MYCT1: variants seen among roughly 807,000 people sequenced by gnomAD.
MYCT1 encodes the protein myc target protein 1.
In MYCT1, 12 loss-of-function variants were observed where a neutral mutation model predicts 15.0. That is an observed-to-expected ratio of 0.80 (90% CI 0.51 to 1.29). The LOEUF is 1.29. MYCT1 is among the 50% of genes most tolerant of loss of function. MYCT1 has a pLI of 0.00. For synonymous variants in MYCT1, 104 were observed against 102.7 expected, an observed-to-expected ratio of 1.01 and a Z score of -0.07; for missense variants, 287 against 279.1, an observed-to-expected ratio of 1.03 and a Z score of -0.20.
chr6:152,728,178 A>T (rs62426343), downstream of MYCT1, among the ~76,000 whole-genome samples: 1 of 148,778 alleles, frequency 6.7e-6, no homozygotes, highest in African/African-American at 2.4e-5. Context: ...AAAAAAAAAA[A>T]GGAAAAAGCA....
At chr6:152,720,624 C>T (rs1448295745) in intron 1 of MYCT1, among the ~76,000 whole-genome samples, 1 of 152,078 alleles carries the variant, frequency 6.6e-6, no homozygotes, top group Non-Finnish European at 1.5e-5. Context: ...ATGAGTTTTC[C>T]AGACAGAAGC....
chr6:152,714,592 T>C (rs1158390389), intron 1 of MYCT1, among the ~76,000 whole-genome samples: 3 of 151,370 alleles, frequency 2.0e-5, no homozygotes, highest in Admixed American at 6.6e-5. Flanking sequence ...TTTAATTTTC[T>C]TTATAGATCC....
At chr6:152,703,593 T>TTG (rs3079768) in intron 1 of MYCT1, among the ~76,000 whole-genome samples, 56,507 of 151,932 alleles carry the variant, frequency 0.37, 11,372 homozygotes, top group East Asian at 0.62. Flanking sequence ...AGGAATTCAA[T>TTG]TGTTTTGCAA....
intron 1 of MYCT1, among the ~76,000 whole-genome samples, chr6:152,707,223 T>C (rs1435565873): frequency 6.6e-6 from 1 of 152,096 alleles, no homozygotes; most frequent in Non-Finnish European, 1.5e-5. Flanking sequence ...GATATTCCAT[T>C]GTGGCTTTGA....
Position 152,698,116 on chromosome 6 carries a change from A to G in MYCT1, c.196+18A>G. Reference sequence around the variant, plus strand: ...CTTTTGGGGTAAGGTATTTTCTTTTACTGTTTAAAATTTAAAATTAGGATG... The same window carrying G: ...CTTTTGGGGTAAGGTATTTTCTTTTGCTGTTTAAAATTTAAAATTAGGATG... On this transcript the variant is annotated intron_variant, in intron 1 of 1. Transcript: ENST00000367245. The G allele has an allele frequency of 6.8e-7, 1 of 1,463,710 alleles. No individual in the cohort carries two copies. The highest frequency in any genetic ancestry group is 2.4e-5 in the East Asian group (1 of 40,818). 90.7% of individuals were successfully genotyped at this position (1,463,710 alleles called of 1,614,324 possible).
chr6:152,737,825 C>T, the MYCT1 span, among the ~76,000 whole-genome samples: 1 of 152,128 alleles, frequency 6.6e-6, no homozygotes, highest in African/African-American at 2.4e-5. Flanking sequence ...TGTATCTCTT[C>T]ATTTAGTCAA....
Position 152,724,511 on chromosome 6 carries a change from T to A in MYCT1, c.*2258T>A, listed in dbSNP as rs1165489616. ...TAAAGCAAAAACTGGAGACTTTTAA[T>A]GTATTTCTTTAATTTGAAATGTTTT... On this transcript the variant is annotated 3_prime_UTR_variant, in exon 2 of 2. Coordinates refer to ENST00000367245, the MANE Select transcript of MYCT1 (RefSeq NM_025107.3). 6.6e-6 allele frequency: 1 copy of A among 152,204 alleles called. No homozygotes were observed. The highest frequency in any genetic ancestry group is 1.9e-4 in the East Asian group (1 of 5,204). The allele number at this position is 152,204 out of a possible 1,614,324, so 9.4% of individuals were successfully genotyped here.
At chr6:152,717,999 C>T (rs1243267818) in intron 1 of MYCT1, among the ~76,000 whole-genome samples, 1 of 151,810 alleles carries the variant, frequency 6.6e-6, no homozygotes, top group African/African-American at 2.4e-5. Context: ...ATTATTTAAT[C>T]CTTTTTGGAT....
chr6:152,733,955 T>G, the MYCT1 span, among the ~76,000 whole-genome samples: 92,761 of 151,378 alleles, frequency 0.61, 29,943 homozygotes, highest in East Asian at 0.82. Flanking sequence ...CATCACTCCA[T>G]AAGTGCTTCT....
chr6:152,712,283 C>G lies in MYCT1; in HGVS notation c.197-9459C>G, dbSNP rs1288764926. On this transcript the variant is annotated intron_variant, in intron 1 of 1. Coordinates refer to ENST00000367245, the MANE Select transcript of MYCT1 (RefSeq NM_025107.3). ...TTGCTGAGGAGAGCTTTACTTCCAA[C>G]TATGTGGTCAATTTTGGAATAGGTG... Among the ~76,000 whole-genome samples the G allele has an allele frequency of 2.7e-3, 99 of 37,050 alleles. 18 individuals carry two copies. The highest frequency in any genetic ancestry group is 4.2e-3 in the African/African-American group (60 of 14,370). The allele number at this position is 37,050 out of a possible 152,430, so 24.3% of individuals were successfully genotyped here. A position where few individuals can be genotyped will look rare whatever the true frequency, so the allele number is the denominator to read the frequency against.
At position 152,701,160 on chromosome 6, in the gene MYCT1, A is replaced by G. The variant is rs1159750888; in HGVS notation, c.196+3062A>G. ...AATTTCAGACAGGGAGATAATTCTA[A>G]GAAGGACATTCTAGTCATTCATTTT... On this transcript the variant is annotated intron_variant, in intron 1 of 1. Transcript: ENST00000367245. Among the ~76,000 whole-genome samples the G allele has an allele frequency of 2.0e-5, 3 of 152,134 alleles. No individual in the cohort carries two copies. The East Asian group carries it at 5.8e-4, about 29-fold the overall frequency.
rs531007336 is a variant in MYCT1 at position 152,723,023 on chromosome 6, C to G, written c.*770C>G. 6.4e-6 allele frequency: 1 copy of G among 156,558 alleles called. No individual in the cohort carries two copies. Among genetic ancestry groups the G allele is most frequent in the South Asian group, 1.9e-4 (1 of 5,306 alleles). 9.7% of individuals were successfully genotyped at this position (156,558 alleles called of 1,614,324 possible). A position where few individuals can be genotyped will look rare whatever the true frequency, so the allele number is the denominator to read the frequency against. ...TCCCAAAGTGCTGGAATTAGCCTGG[C>G]CAATCTTGGATTTTTAATGGAATAT... On this transcript the variant is annotated 3_prime_UTR_variant, in exon 2 of 2. Transcript: ENST00000367245.
chr6:152,744,110 A>G, the MYCT1 span, among the ~76,000 whole-genome samples: 1 of 151,432 alleles, frequency 6.6e-6, no homozygotes, highest in Non-Finnish European at 1.5e-5. Flanking sequence ...CAGCACATTG[A>G]CCTTTTCTCT....
At chr6:152,718,922 G>A (rs2129070336) in intron 1 of MYCT1, among the ~76,000 whole-genome samples, 2 of 151,908 alleles carry the variant, frequency 1.3e-5, no homozygotes, top group South Asian at 4.2e-4. Context: ...CACATAGGAA[G>A]GACATATACT....
chr6:152,742,699 C>T, the MYCT1 span, among the ~76,000 whole-genome samples: 1 of 152,126 alleles, frequency 6.6e-6, no homozygotes, highest in Admixed American at 6.6e-5. Flanking sequence ...AGTGGATCCT[C>T]AGTTTTGTCA....
chr6:152,743,104 G>A, the MYCT1 span, among the ~76,000 whole-genome samples: 1 of 152,210 alleles, frequency 6.6e-6, no homozygotes, highest in African/African-American at 2.4e-5. Flanking sequence ...CACCCAGGCT[G>A]GAGTGCAGTC....
the MYCT1 span, among the ~76,000 whole-genome samples, chr6:152,740,482 C>T: frequency 6.6e-6 from 1 of 151,984 alleles, no homozygotes; most frequent in Non-Finnish European, 1.5e-5. Context: ...GACAAAAGAG[C>T]CTTAAATAAC....
chr6:152,745,868 A>C, the MYCT1 span, among the ~76,000 whole-genome samples: 1 of 152,194 alleles, frequency 6.6e-6, no homozygotes, highest in African/African-American at 2.4e-5. Flanking sequence ...CTCCCGTACC[A>C]TTATGCAGAG....
At chr6:152,734,419 C>T in the MYCT1 span, among the ~76,000 whole-genome samples, 81,815 of 151,992 alleles carry the variant, frequency 0.54, 24,418 homozygotes, top group Non-Finnish European at 0.66. Flanking sequence ...TGTTAAACAC[C>T]AAAGGCAACT....
Sources: allele counts gnomAD v4.1 joint callset (sites outside exome capture counted in the v4.1 genomes callset), GRCh38; gene constraint gnomAD v4.1.1; transcripts MANE v1.5; gene names NCBI Gene and HGNC (gene_info 2026-07-23, HGNC 2026-07-21).